The following NLGN1 variants were observed in gnomAD, a reference collection of about 807,000 sequenced individuals.
NLGN1 encodes neuroligin-1.
A neutral mutation model predicts 65.5 loss-of-function variants in NLGN1; 12 were observed. That is an observed-to-expected ratio of 0.18 (90% CI 0.12 to 0.30). The LOEUF is 0.30. NLGN1 is among the 10% of genes least tolerant of loss of function. The pLI is 1.00. For synonymous variants in NLGN1, 350 were observed against 359.5 expected, an observed-to-expected ratio of 0.97 and a Z score of 0.30; for missense variants, 750 against 1,007.1, an observed-to-expected ratio of 0.74 and a Z score of 3.46.
chr3:173,915,266 T>C (rs1269763785), intron 4 of NLGN1, among the ~76,000 whole-genome samples: 1 of 152,198 alleles, frequency 6.6e-6, no homozygotes, highest in African/African-American at 2.4e-5. Context: ...CGATTTCCTA[T>C]TGGAAAAAAC....
intron 3 of NLGN1, among the ~76,000 whole-genome samples, chr3:173,622,825 A>AT (rs1754217112): frequency 6.6e-6 from 1 of 152,110 alleles, no homozygotes; most frequent in South Asian, 2.1e-4. Flanking sequence ...TAGAATAATT[A>AT]TTTATTGTTT....
chr3:173,421,185 T>C (rs1225703713), intron 1 of NLGN1, among the ~76,000 whole-genome samples: 1 of 152,112 alleles, frequency 6.6e-6, no homozygotes, highest in East Asian at 1.9e-4. Flanking sequence ...TTAAAAATCA[T>C]TTTTATTATA....
intron 2 of NLGN1, among the ~76,000 whole-genome samples, chr3:173,526,708 A>G (rs957468703): frequency 6.6e-6 from 1 of 152,144 alleles, no homozygotes; most frequent in Non-Finnish European, 1.5e-5. Flanking sequence ...CACACTTTCT[A>G]ACAATTTTTT....
chr3:173,413,825 C>A (rs190931675), intron 1 of NLGN1, among the ~76,000 whole-genome samples: 129 of 152,090 alleles, frequency 8.5e-4, no homozygotes, highest in Non-Finnish European at 1.3e-3. Flanking sequence ...ATTCTGGCTA[C>A]CCTATGGGCA....
At chr3:174,008,494 G>GT (rs1553913253) in intron 4 of NLGN1, among the ~76,000 whole-genome samples, 3 of 151,804 alleles carry the variant, frequency 2.0e-5, no homozygotes, top group Non-Finnish European at 4.4e-5. Context: ...GTTCTCTTCT[G>GT]TTTTTTTCTC....
intron 4 of NLGN1, among the ~76,000 whole-genome samples, chr3:173,871,503 G>C (rs575963963): frequency 1.4e-4 from 22 of 152,222 alleles, no homozygotes; most frequent in African/African-American, 5.3e-4. Flanking sequence ...AAAATTCCTG[G>C]CACCTAAGAG....
intron 4 of NLGN1, among the ~76,000 whole-genome samples, chr3:174,045,676 C>T (rs1423273900): frequency 6.6e-6 from 1 of 152,144 alleles, no homozygotes; most frequent in Non-Finnish European, 1.5e-5. Flanking sequence ...CTATGTACTA[C>T]CCTGAGGAAA....
At chr3:173,577,828 A>G (rs1745751029) in intron 2 of NLGN1, among the ~76,000 whole-genome samples, 1 of 152,212 alleles carries the variant, frequency 6.6e-6, no homozygotes, top group African/African-American at 2.4e-5. Context: ...CAAAGCTTAA[A>G]GGGACAGATT....
At chr3:173,865,361 A>G (rs566217049) in intron 4 of NLGN1, among the ~76,000 whole-genome samples, 2 of 152,160 alleles carry the variant, frequency 1.3e-5, no homozygotes, top group Non-Finnish European at 2.9e-5. Flanking sequence ...TAGGAAAGAT[A>G]CATCCTCATC....
At chr3:174,163,314 G>A (rs1231093892) in intron 4 of NLGN1, among the ~76,000 whole-genome samples, 1 of 151,788 alleles carries the variant, frequency 6.6e-6, no homozygotes, top group Non-Finnish European at 1.5e-5. Context: ...TTGAACTTTT[G>A]TTGTTTCTTT....
At chr3:173,818,892 G>GCTCTTTTTTTTT in intron 4 of NLGN1, among the ~76,000 whole-genome samples, 1 of 21,314 alleles carries the variant, frequency 4.7e-5, no homozygotes, top group African/African-American at 2.7e-4. Flanking sequence ...CCTTTGAATA[G>GCTCTTTTTTTTT]TTCTTTTTTT....
intron 4 of NLGN1, among the ~76,000 whole-genome samples, chr3:173,936,025 G>T (rs1745015749): frequency 6.6e-6 from 1 of 151,694 alleles, no homozygotes; most frequent in African/African-American, 2.4e-5. Context: ...TATTGAATTA[G>T]TTCCCAAAAT....
intron 4 of NLGN1, among the ~76,000 whole-genome samples, chr3:173,943,396 T>G (rs1166237302): frequency 2.0e-5 from 3 of 152,182 alleles, no homozygotes; most frequent in Admixed American, 6.5e-5. Context: ...AAACAGCTCT[T>G]AAGGCTTCAG....
intron 2 of NLGN1, among the ~76,000 whole-genome samples, chr3:173,498,441 T>C (rs1365280472): frequency 1.3e-5 from 2 of 151,882 alleles, no homozygotes; most frequent in Admixed American, 6.6e-5. Context: ...ATTTTCTTAA[T>C]CCAGTCTATC....
intron 3 of NLGN1, among the ~76,000 whole-genome samples, chr3:173,711,214 T>G (rs1768915523): frequency 6.6e-6 from 1 of 152,210 alleles, no homozygotes; most frequent in Non-Finnish European, 1.5e-5. Flanking sequence ...TCTTTTGGGT[T>G]TAAACAATTC....
chr3:174,034,071 G>A (rs1267995590), intron 4 of NLGN1, among the ~76,000 whole-genome samples: 2 of 152,026 alleles, frequency 1.3e-5, no homozygotes, highest in Non-Finnish European at 2.9e-5. Flanking sequence ...AAGCCAGAGA[G>A]AAACACTTTA....
At chr3:174,030,652 A>G (rs1729819961) in intron 4 of NLGN1, among the ~76,000 whole-genome samples, 1 of 152,258 alleles carries the variant, frequency 6.6e-6, no homozygotes, top group Non-Finnish European at 1.5e-5. Flanking sequence ...GTAAAATAAC[A>G]GTAATGGGAT....
At chr3:174,056,975 G>T (rs866486261) in intron 4 of NLGN1, among the ~76,000 whole-genome samples, 4 of 150,736 alleles carry the variant, frequency 2.7e-5, no homozygotes, top group African/African-American at 7.3e-5. Flanking sequence ...ATTTTCAGTT[G>T]GGTCTTATTT....
chr3:173,893,390 G>GT (rs1210922124), intron 4 of NLGN1, among the ~76,000 whole-genome samples: 1 of 152,102 alleles, frequency 6.6e-6, no homozygotes, highest in East Asian at 1.9e-4. Context: ...TGAAGTCTCA[G>GT]TTTTTTCATC....
Sources: allele counts gnomAD v4.1 joint callset (sites outside exome capture counted in the v4.1 genomes callset), GRCh38; gene constraint gnomAD v4.1.1; transcripts MANE v1.5; gene names NCBI Gene and HGNC (gene_info 2026-07-23, HGNC 2026-07-21).